Variants in CEMIP2 observed in about 807,000 individuals in gnomAD.
CEMIP2 encodes cell migration inducing hyaluronidase 2.
A neutral mutation model predicts 146.9 loss-of-function variants in CEMIP2; 79 were observed. That is an observed-to-expected ratio of 0.54 (90% CI 0.45 to 0.65). The LOEUF (loss-of-function observed/expected upper bound fraction) is 0.65, where lower values mean the gene tolerates loss of function less well. Ranked by LOEUF, CEMIP2 falls within the 30% of genes least tolerant of loss-of-function variation. The pLI is 0.00. For missense variants in CEMIP2, 1,596 were observed against 1,696.2 expected (o/e 0.94, Z 1.04); for synonymous variants, 601 against 606.3 (o/e 0.99, Z 0.13).
At position 71,761,309 on chromosome 9, in the gene CEMIP2, G is replaced by A. The variant is rs567419336; in HGVS notation, c.-13+7048C>T. ...ATGTTGGCAAAATGTTGAAAGGTGG[G>A]AAAAATGAAAAGACAACAGGGATGT... On this transcript the variant is annotated intron_variant, in intron 1 of 23. Coordinates refer to ENST00000377044, the MANE Select transcript of CEMIP2 (RefSeq NM_013390.3). Among the ~76,000 whole-genome samples the A allele has an allele frequency of 2.0e-5, 3 of 152,274 alleles. No individual in the cohort carries two copies. The South Asian group carries it at 6.2e-4, about 32-fold the overall frequency.
intron 2 of CEMIP2, among the ~76,000 whole-genome samples, chr9:71,748,273 G>C (rs1022804314): frequency 6.6e-6 from 1 of 152,110 alleles, no homozygotes; most frequent in African/African-American, 2.4e-5. Flanking sequence ...ATGAGAAAAT[G>C]TGTAGTCTGT....
At chr9:71,734,114 C>T (rs1823696290) in intron 6 of CEMIP2, among the ~76,000 whole-genome samples, 1 of 152,202 alleles carries the variant, frequency 6.6e-6, no homozygotes, top group Non-Finnish European at 1.5e-5. Context: ...TCCCAAAGTG[C>T]TGGGATTATA....
intron 18 of CEMIP2, among the ~76,000 whole-genome samples, chr9:71,701,191 C>T (rs908458424): frequency 2.6e-5 from 4 of 152,132 alleles, no homozygotes; most frequent in African/African-American, 4.8e-5. Context: ...CTGTGACCTC[C>T]GCCTCCCAGG....
At chr9:71,725,270 G>T (rs919918698) in intron 11 of CEMIP2, among the ~76,000 whole-genome samples, 1 of 152,134 alleles carries the variant, frequency 6.6e-6, no homozygotes, top group South Asian at 2.1e-4. Context: ...TAACGGATTC[G>T]CCCTCTTGAA....
At chr9:71,714,757 A>G (rs1822999890) in intron 15 of CEMIP2, among the ~76,000 whole-genome samples, 177 bp downstream of exon 15, 1 of 152,206 alleles carries the variant, frequency 6.6e-6, no homozygotes, top group African/African-American at 2.4e-5. Flanking sequence ...AATACACATA[A>G]TAATTATAAT....
chr9:71,728,289 A>ATATATGTG (rs1823495763), intron 10 of CEMIP2, among the ~76,000 whole-genome samples: 1 of 31,142 alleles, frequency 3.2e-5, no homozygotes, highest in Admixed American at 4.2e-4. Flanking sequence ...ATGTATATAT[A>ATATATGTG]TATATATATA....
chr9:71,753,284 G>A (rs184155172), intron 1 of CEMIP2, among the ~76,000 whole-genome samples: 63 of 152,066 alleles, frequency 4.1e-4, no homozygotes, highest in African/African-American at 1.2e-3. Context: ...TGGTGGGGGC[G>A]GGGGTCTTTG....
intron 2 of CEMIP2, among the ~76,000 whole-genome samples, chr9:71,748,854 A>G (rs185447455): frequency 5.3e-5 from 8 of 152,350 alleles, no homozygotes; most frequent in Admixed American, 2.6e-4. Flanking sequence ...AAAGCACCCA[A>G]GAAAACTAAA....
At chr9:71,685,515 C>T in intron 23 of CEMIP2, 122 bp from the exon 24 acceptor site, 1 of 1,186,622 alleles carries the variant, frequency 8.4e-7, no homozygotes, top group Non-Finnish European at 1.1e-6. Flanking sequence ...AAAAACTCTG[C>T]ACTTCCTTAC....
At chr9:71,736,016 C>T (rs1283779740) in intron 5 of CEMIP2, among the ~76,000 whole-genome samples, 1 of 152,156 alleles carries the variant, frequency 6.6e-6, no homozygotes, top group Non-Finnish European at 1.5e-5. Context: ...ATCACTTGAG[C>T]ACAGGAGTTT....
Position 71,745,217 on chromosome 9 carries a change from T to A in CEMIP2, c.835A>T (p.Ile279Phe). The stretch of plus-strand genomic sequence containing the variant: ...GTATCAAATCTCTCACTTTCCAAAA[T>A]TTTGGCCGTGTCTTGGTCAATGACC... ...VRVIDQDTAKILESERFDTHE... is the reference protein window; with the variant it reads ...VRVIDQDTAKFLESERFDTHE... The change falls in exon 4 of 24, where the codon ATT becomes TTT. Residue 279 changes from isoleucine (I) to phenylalanine (F), a missense_variant. Physicochemically the swap from Ile to Phe is conservative, Grantham distance 21 (BLOSUM62 0). Coordinates refer to ENST00000377044, the MANE Select transcript of CEMIP2 (RefSeq NM_013390.3). 1.9e-6 allele frequency: 3 copies of A among 1,614,068 alleles called. No homozygotes were observed. Among genetic ancestry groups the A allele is most frequent in the African/African-American group, 2.7e-5 (2 of 75,004 alleles).
chr9:71,705,175 A>G (rs1822698439), intron 17 of CEMIP2, among the ~76,000 whole-genome samples: 1 of 152,198 alleles, frequency 6.6e-6, no homozygotes, highest in African/African-American at 2.4e-5. Context: ...GATATCCTCT[A>G]CTCAAATCTA....
intron 10 of CEMIP2, among the ~76,000 whole-genome samples, chr9:71,728,302 C>CGTATATATACATATATAT: frequency 8.6e-5 from 1 of 11,578 alleles, no homozygotes; most frequent in African/African-American, 3.4e-4. Context: ...TATATATATA[C>CGTATATATACATATATAT]ATATATATAT....
intron 11 of CEMIP2, 86 bp downstream of exon 11, chr9:71,725,495 C>A: frequency 7.1e-7 from 1 of 1,413,632 alleles, no homozygotes; most frequent in Non-Finnish European, 9.6e-7. Flanking sequence ...ACTACAGCAG[C>A]ACAAAGTGGA....
Position 71,745,009 on chromosome 9 carries a change from T to A in CEMIP2, c.1034+9A>T. 6.2e-7 allele frequency: 1 copy of A among 1,609,680 alleles called. No homozygotes were observed. The highest frequency in any genetic ancestry group is 8.5e-7 in the Non-Finnish European group (1 of 1,178,038). ...CTCTGATAGGGATCTGGGAAGAAGG[T>A]ATGCCTACCTGTAGCCCAGTCCTTG... On this transcript the variant is annotated intron_variant, in intron 4 of 23. Transcript: ENST00000377044.
chr9:71,687,135 T>C (rs6560227), intron 22 of CEMIP2: 1 of 152,136 alleles, frequency 6.6e-6, no homozygotes, highest in Non-Finnish European at 1.5e-5. Flanking sequence ...CAAGCCCTTG[T>C]ATTACTGTAA....
At chr9:71,749,972 T>G (rs1336973958) in intron 2 of CEMIP2, 71 bp downstream of exon 2, 2 of 1,396,054 alleles carry the variant, frequency 1.4e-6, no homozygotes, top group Non-Finnish European at 1.9e-6. Flanking sequence ...TAAATTTTTT[T>G]TTAAGTATTC....
At chr9:71,762,132 G>A (rs1000323694) in intron 1 of CEMIP2, among the ~76,000 whole-genome samples, 5 of 152,046 alleles carry the variant, frequency 3.3e-5, no homozygotes, top group Admixed American at 2.6e-4. Flanking sequence ...ATATAAAACA[G>A]TCATAGTCCC....
At position 71,734,913 on chromosome 9, in the gene CEMIP2, G is replaced by C; in HGVS notation, c.1286C>G (p.Pro429Arg). ...NLLDDVSSWK[P>R]GDQIVVASTD... ...GCTTGCGACCACAATCTGGTCTCCA[G>C]GTTTCCAACTACTAACATCATCTAG... is the stretch of plus-strand genomic sequence containing the variant. The change falls in exon 6 of 24, where the codon CCT becomes CGT. Residue 429 changes from proline (P) to arginine (R), a missense_variant. By Grantham distance (103) the Pro-to-Arg change is moderately radical (BLOSUM62 -2). Transcript: ENST00000377044. The C allele has an allele frequency of 6.2e-7, 1 of 1,613,594 alleles. No homozygotes were observed. The highest frequency in any genetic ancestry group is 8.5e-7 in the Non-Finnish European group (1 of 1,179,958).
Sources: allele counts gnomAD v4.1 joint callset (sites outside exome capture counted in the v4.1 genomes callset), GRCh38; gene constraint gnomAD v4.1.1; transcripts MANE v1.5; gene names NCBI Gene and HGNC (gene_info 2026-07-23, HGNC 2026-07-21).